Variants in LLCFC1 observed in about 807,000 individuals in gnomAD.
LLCFC1 encodes the protein sperm-egg fusion protein LLCFC1.
A neutral mutation model predicts 9.8 loss-of-function variants in LLCFC1; 14 were observed. The ratio of observed to expected loss-of-function variants is 1.43; its 90% CI spans 0.95 to 2.24. LLCFC1 has a LOEUF of 2.24. Among genes scored for constraint, LLCFC1 ranks in the 30% most tolerant of loss-of-function variants. The pLI is 0.00. For missense variants in LLCFC1, 162 were observed against 148.0 expected, an observed-to-expected ratio of 1.09 and a Z score of -0.49; for synonymous variants, 70 against 58.8, an observed-to-expected ratio of 1.19 and a Z score of -0.87.
chr7:142,940,225 G>A, intron 1 of LLCFC1, 127 bp from the exon 2 acceptor site: 1 of 704,542 alleles, frequency 1.4e-6, no homozygotes, highest in Non-Finnish European at 2.4e-6. Flanking sequence ...CCTCTCTGGT[G>A]AAGGCTAAGG....
intron 1 of LLCFC1, among the ~76,000 whole-genome samples, chr7:142,940,105 TGGTGTGTGTG>T (rs1334487619): frequency 2.5e-5 from 3 of 121,388 alleles, no homozygotes; most frequent in African/African-American, 6.3e-5. Context: ...ACCTTAGGAA[TGGTGTGTGTG>T]TGTGTGTGTG....
Position 142,939,653 on chromosome 7 carries a change from C to T in LLCFC1, c.32C>T (p.Ala11Val). MPPLAPQLCR[A>V]VFLVPILLLL... ...CCCCTGGCCCCCCAGCTCTGCAGGG[C>T]AGTGTTCCTGGTTCCTATCTTGCTG... Residue 11 changes from alanine (A) to valine (V), a missense_variant, in exon 1 of 2, where the codon GCA (alanine) becomes GTA (valine). By Grantham distance (64) the Ala-to-Val change is moderately conservative (BLOSUM62 0). Coordinates refer to ENST00000409607, the MANE Select transcript of LLCFC1 (RefSeq NM_001382496.1). The T allele has an allele frequency of 6.2e-7, 1 of 1,614,048 alleles. No homozygotes were observed. Among genetic ancestry groups the T allele is most frequent in the Non-Finnish European group, 8.5e-7 (1 of 1,179,948 alleles).
chr7:142,939,809 T>C lies in LLCFC1; in HGVS notation c.133+55T>C, dbSNP rs999825077. ...AGAGAAAACACCCTCTTCAGGTAGG[T>C]AGAAAAAAAGACGGGAGAGTCTGGA... On this transcript the variant is annotated intron_variant, in intron 1 of 1. Transcript: ENST00000409607. The C allele has an allele frequency of 9.1e-6, 14 of 1,534,884 alleles. No homozygotes were observed. The African/African-American group carries it at 1.8e-4, about 20-fold the overall frequency.
rs8176065 is a variant in LLCFC1, at chr7:142,940,625, A to G, written c.*38A>G. 31 of 1,518,608 alleles carry G rather than the reference A, an allele frequency of 2.0e-5. No homozygotes were observed. The highest frequency in any genetic ancestry group is 9.0e-5 in the East Asian group (4 of 44,378). 94.1% of individuals were successfully genotyped at this position (1,518,608 alleles called of 1,614,324 possible). A position where few individuals can be genotyped will look rare whatever the true frequency, so the allele number is the denominator to read the frequency against. On this transcript the variant is annotated 3_prime_UTR_variant, in exon 2 of 2. Transcript: ENST00000409607. Reference sequence around the variant, plus strand: ...CCTGGGCTCCAGGTCACAACTCCCAAAGGAGATGCAGGCATGGCTCTCTGC... The same window carrying G: ...CCTGGGCTCCAGGTCACAACTCCCAGAGGAGATGCAGGCATGGCTCTCTGC...
At position 142,939,560 on chromosome 7, in the gene LLCFC1, T is replaced by C; in HGVS notation, c.-62T>C. ...GCCAGGACAGGAATGGGGCAGGAGG[T>C]GCACGGATCCTGCTGGGCACTGGGA... On this transcript the variant is annotated 5_prime_UTR_variant, in exon 1 of 2. Coordinates refer to ENST00000409607, the MANE Select transcript of LLCFC1 (RefSeq NM_001382496.1). The C allele has an allele frequency of 6.4e-7, 1 of 1,569,560 alleles. No homozygotes were observed. The highest frequency in any genetic ancestry group is 8.6e-7 in the Non-Finnish European group (1 of 1,157,722).
chr7:142,939,808 G>A, intron 1 of LLCFC1, 54 bp downstream of exon 1: 1 of 1,539,846 alleles, frequency 6.5e-7, no homozygotes, highest in Admixed American at 2.0e-5. Flanking sequence ...CTTCAGGTAG[G>A]TAGAAAAAAA....
Position 142,939,707 on chromosome 7 carries a change from GC to G in LLCFC1, c.89del (p.Pro30GlnfsTer78). ...CTGCAGGTGAAGCCTCTGAACGGGA[GC>G]CCAGGCCCCAAAGATGGGAGCCAGA... Reference protein sequence around the residue: ...LLLQVKPLNGSPGPKDGSQTE... With the variant: ...LLLQVKPLNGXPGPKDGSQTE... On this transcript the variant is annotated frameshift_variant, in exon 1 of 2. Transcript: ENST00000409607. LOFTEE classifies it high-confidence loss of function. 1 of 1,614,080 alleles carries G rather than the reference GC, an allele frequency of 6.2e-7. No homozygotes were observed. The highest frequency in any genetic ancestry group is 1.3e-5 in the African/African-American group (1 of 75,052).
chr7:142,940,374 AG>A lies in LLCFC1; in HGVS notation c.157del (p.Glu53SerfsTer55). The A allele has an allele frequency of 6.2e-7, 1 of 1,614,114 alleles. No homozygotes were observed. On this transcript the variant is annotated frameshift_variant, in exon 2 of 2. Transcript: ENST00000409607. LOFTEE classifies it high-confidence loss of function. ...CAGACCAGAATCAAGAACAGTTCGA[AG>A]AGCACTTTGTGGCCTCCTCAGTGGG... ...SADQNQEQFE[E>X]HFVASSVGEM...
chr7:142,939,625 C>T lies in LLCFC1; in HGVS notation c.4C>T (p.Pro2Ser). 6.2e-7 allele frequency: 1 copy of T among 1,611,474 alleles called. No individual in the cohort carries two copies. Among genetic ancestry groups the T allele is most frequent in the South Asian group, 1.1e-5 (1 of 90,716 alleles). M[P>S]PLAPQLCRAV... ...AAGGCAGTGGGTGGGCAGGTCCATGCCTCCCCTGGCCCCCCAGCTCTGCAG... is the reference window on the plus strand; with the variant it reads ...AAGGCAGTGGGTGGGCAGGTCCATGTCTCCCCTGGCCCCCCAGCTCTGCAG... The change falls in exon 1 of 2, where the codon CCT becomes TCT. Residue 2 changes from proline to serine, a missense_variant. By Grantham distance (74) the Pro-to-Ser change is moderately conservative (BLOSUM62 -1). Transcript: ENST00000409607.
intron 1 of LLCFC1, 35 bp from the exon 2 acceptor site, chr7:142,940,317 C>A (rs1796313196): frequency 6.4e-7 from 1 of 1,564,838 alleles, no homozygotes; most frequent in Non-Finnish European, 8.8e-7. Flanking sequence ...AGGCCAGGGT[C>A]AGGGCTCAGT....
At position 142,940,772 on chromosome 7, in the gene LLCFC1, C is replaced by T. The variant is rs1404363207; in HGVS notation, c.*185C>T. 1.1e-5 allele frequency: 7 copies of T among 616,268 alleles called. No homozygotes were observed. Among genetic ancestry groups the T allele is most frequent in the African/African-American group, 7.4e-5 (4 of 54,194 alleles). The allele number at this position is 616,268 out of a possible 1,614,324, so 38.2% of individuals were successfully genotyped here. A position where few individuals can be genotyped will look rare whatever the true frequency, so the allele number is the denominator to read the frequency against. On this transcript the variant is annotated 3_prime_UTR_variant, in exon 2 of 2. Coordinates refer to ENST00000409607, the MANE Select transcript of LLCFC1 (RefSeq NM_001382496.1). ...CCCAGGGCCAGAGACAGCAGACCCA[C>T]ATCCTTCTCTCCCACACCTCTCCTG...
chr7:142,940,400 G>T lies in LLCFC1; in HGVS notation c.182G>T (p.Gly61Val), dbSNP rs747626403. 3 of 1,614,184 alleles carry T rather than the reference G, an allele frequency of 1.9e-6. No homozygotes were observed. Among genetic ancestry groups the T allele is most frequent in the Non-Finnish European group, 2.5e-6 (3 of 1,180,028 alleles). Residue 61 changes from glycine to valine, a missense_variant, in exon 2 of 2, where the codon GGT becomes GTT. Transcript: ENST00000409607. ...FEEHFVASSV[G>V]EMWQVVDMAQ... ...GAGCACTTTGTGGCCTCCTCAGTGG[G>T]TGAGATGTGGCAGGTGGTGGACATG...
chr7:142,939,674 T>G lies in LLCFC1; in HGVS notation c.53T>G (p.Leu18Trp). Residue 18 changes from leucine to tryptophan, a missense_variant, in exon 1 of 2, where the codon TTG becomes TGG. Coordinates refer to ENST00000409607, the MANE Select transcript of LLCFC1 (RefSeq NM_001382496.1). ...AGGGCAGTGTTCCTGGTTCCTATCT[T>G]GCTGCTGCTGCAGGTGAAGCCTCTG... ...LCRAVFLVPILLLLQVKPLNG... is the reference protein window; with the variant it reads ...LCRAVFLVPIWLLLQVKPLNG... 1 of 1,614,104 alleles carries G rather than the reference T, an allele frequency of 6.2e-7. No individual in the cohort carries two copies. Among genetic ancestry groups the G allele is most frequent in the Non-Finnish European group, 8.5e-7 (1 of 1,179,986 alleles).
At position 142,940,399 on chromosome 7, in the gene LLCFC1, G is replaced by T; in HGVS notation, c.181G>T (p.Gly61Cys). Residue 61 changes from glycine (G) to cysteine (C), a missense_variant, in exon 2 of 2, where the codon GGT (glycine) becomes TGT (cysteine). Physicochemically the swap from Gly to Cys is radical, Grantham distance 159 (BLOSUM62 -3). Coordinates refer to ENST00000409607, the MANE Select transcript of LLCFC1 (RefSeq NM_001382496.1). ...AGAGCACTTTGTGGCCTCCTCAGTGGGTGAGATGTGGCAGGTGGTGGACAT... is the reference window on the plus strand; with the variant it reads ...AGAGCACTTTGTGGCCTCCTCAGTGTGTGAGATGTGGCAGGTGGTGGACAT... The part of the protein sequence containing the change: ...FEEHFVASSV[G>C]EMWQVVDMAQ... The T allele has an allele frequency of 1.2e-6, 2 of 1,614,142 alleles. No homozygotes were observed. The highest frequency in any genetic ancestry group is 2.2e-5 in the South Asian group (2 of 91,080).
At chr7:142,939,824 G>C (rs1420138791) in intron 1 of LLCFC1, 70 bp downstream of exon 1, 1 of 1,474,594 alleles carries the variant, frequency 6.8e-7, no homozygotes, top group African/African-American at 1.4e-5. Context: ...AAAAAGACGG[G>C]AGAGTCTGGA....
rs1418182792 is a variant in LLCFC1 at position 142,939,534 on chromosome 7, G to T, written c.-88G>T. On this transcript the variant is annotated 5_prime_UTR_variant, in exon 1 of 2. Transcript: ENST00000409607. ...GAAAATGCCCCTGGAAAGGGTTAAGGGCCAGGACAGGAATGGGGCAGGAGG... is the reference window on the plus strand; with the variant it reads ...GAAAATGCCCCTGGAAAGGGTTAAGTGCCAGGACAGGAATGGGGCAGGAGG... The T allele has an allele frequency of 6.5e-7, 1 of 1,542,210 alleles. No homozygotes were observed. The highest frequency in any genetic ancestry group is 8.7e-7 in the Non-Finnish European group (1 of 1,145,536).
At position 142,940,449 on chromosome 7, in the gene LLCFC1, G is replaced by T. The variant is rs767114431; in HGVS notation, c.231G>T (p.Ser77=). The T allele has an allele frequency of 6.2e-7, 1 of 1,614,026 alleles. No individual in the cohort carries two copies. The highest frequency in any genetic ancestry group is 1.1e-5 in the South Asian group (1 of 91,062). The change falls in exon 2 of 2, where the codon TCG becomes TCT. Residue 77 remains serine (S), a synonymous_variant. Transcript: ENST00000409607. ...VDMAQQEEDQ[S]SKTAAVHKHS... ...TGGCCCAGCAGGAAGAAGACCAGTC[G>T]TCCAAGACGGCAGCTGTTCACAAGC...
chr7:142,940,655 G>C lies in LLCFC1; in HGVS notation c.*68G>C. On this transcript the variant is annotated 3_prime_UTR_variant, in exon 2 of 2. Transcript: ENST00000409607. ...GATGCAGGCATGGCTCTCTGCCTCT[G>C]ATCACCATCACTGTATCTCAAGGTT... 7.9e-7 allele frequency: 1 copy of C among 1,267,566 alleles called. No homozygotes were observed. 78.5% of individuals were successfully genotyped at this position (1,267,566 alleles called of 1,614,324 possible). A position where few individuals can be genotyped will look rare whatever the true frequency, so the allele number is the denominator to read the frequency against.
chr7:142,940,002 G>C (rs1490009986), intron 1 of LLCFC1, among the ~76,000 whole-genome samples: 1 of 152,116 alleles, frequency 6.6e-6, no homozygotes, highest in African/African-American at 2.4e-5. Context: ...TGCAACTTCT[G>C]TGTGTGTAAG....
Sources: allele counts gnomAD v4.1 joint callset (sites outside exome capture counted in the v4.1 genomes callset), GRCh38; gene constraint gnomAD v4.1.1; transcripts MANE v1.5; gene names NCBI Gene and HGNC (gene_info 2026-07-23, HGNC 2026-07-21).